The following WWP1 variants were observed in gnomAD, a reference collection of about 807,000 sequenced individuals.
WWP1 encodes NEDD4-like E3 ubiquitin-protein ligase WWP1.
Under a neutral mutation model 130.6 loss-of-function variants are expected in WWP1, and 49 were observed. The observed-to-expected ratio is 0.38, with a 90% CI of 0.30 to 0.48. The LOEUF (loss-of-function observed/expected upper bound fraction) is 0.48, where lower values mean the gene tolerates loss of function less well. Among genes scored for constraint, WWP1 ranks in the 20% least tolerant of loss-of-function variants. The pLI is 0.99. For synonymous variants in WWP1, 332 were observed against 367.8 expected (o/e 0.90, Z 1.11); for missense variants, 809 against 1,100.6 (o/e 0.74, Z 3.75).
intron 5 of WWP1, among the ~76,000 whole-genome samples, chr8:86,387,398 T>A (rs1825343928): frequency 6.6e-6 from 1 of 152,164 alleles, no homozygotes; most frequent in African/African-American, 2.4e-5. Flanking sequence ...CCACTTGTCT[T>A]GACCATAATC....
chr8:86,426,141 T>G (rs1286026104), intron 10 of WWP1, among the ~76,000 whole-genome samples: 1 of 152,218 alleles, frequency 6.6e-6, no homozygotes, highest in Non-Finnish European at 1.5e-5. Flanking sequence ...GAGAACGTAT[T>G]GGAAAACATG....
chr8:86,375,739 A>G (rs1824608331), intron 3 of WWP1, among the ~76,000 whole-genome samples: 1 of 152,164 alleles, frequency 6.6e-6, no homozygotes, highest in South Asian at 2.1e-4. Context: ...ACTTCATACA[A>G]AAGTCGTTTC....
chr8:86,410,794 C>T (rs1808540103), intron 8 of WWP1, among the ~76,000 whole-genome samples: 1 of 149,626 alleles, frequency 6.7e-6, no homozygotes, highest in African/African-American at 2.5e-5. Flanking sequence ...TTGGCCATGT[C>T]CAGTAGCATT....
intron 7 of WWP1, among the ~76,000 whole-genome samples, chr8:86,399,052 A>G (rs1346122407): frequency 6.6e-6 from 1 of 152,162 alleles, no homozygotes; most frequent in Non-Finnish European, 1.5e-5. Flanking sequence ...ATGGATTCAT[A>G]TAATATGTGA....
At chr8:86,454,530 GTATT>G (rs1362619311) in intron 21 of WWP1, among the ~76,000 whole-genome samples, 1 of 152,048 alleles carries the variant, frequency 6.6e-6, no homozygotes, top group African/African-American at 2.4e-5. Context: ...TTTTAGAGTA[GTATT>G]TATTAATCTT....
chr8:86,421,770 C>T (rs1809224336), intron 9 of WWP1, among the ~76,000 whole-genome samples: 1 of 151,858 alleles, frequency 6.6e-6, no homozygotes, highest in East Asian at 1.9e-4. Flanking sequence ...CTTACATGAG[C>T]CAAGATTGCG....
rs1391523249 is a variant in WWP1, at chr8:86,442,776, A to G, written c.1996A>G (p.Met666Val). Residue 666 changes from methionine to valine, a missense_variant and splice_region_variant, in exon 18 of 25, where the codon ATG (methionine) becomes GTG (valine). Physicochemically the swap from Met to Val is conservative, Grantham distance 21 (BLOSUM62 1). Around this residue, in one of 3 missense-constraint regions of WWP1, gnomAD observed 450 missense variants for 674.2 expected, o/e 0.67. Coordinates refer to ENST00000517970, the MANE Select transcript of WWP1 (RefSeq NM_007013.4). ...CTGTTTCATTGGTCGTTTTATTGCCATGGTGAGTTCCTGACTTTATTATTA... is the reference window on the plus strand; with the variant it reads ...CTGTTTCATTGGTCGTTTTATTGCCGTGGTGAGTTCCTGACTTTATTATTA... ...YFCFIGRFIA[M>V]ALFHGKFIDT... The G allele has an allele frequency of 1.2e-6, 2 of 1,606,640 alleles. No homozygotes were observed. Among genetic ancestry groups the G allele is most frequent in the Non-Finnish European group, 1.7e-6 (2 of 1,177,884 alleles).
Position 86,398,324 on chromosome 8 carries a change from G to A in WWP1, c.335-18G>A. The A allele has an allele frequency of 6.4e-7, 1 of 1,563,682 alleles. No homozygotes were observed. Among genetic ancestry groups the A allele is most frequent in the East Asian group, 2.3e-5 (1 of 44,144 alleles). The stretch of plus-strand genomic sequence containing the variant: ...ATATGTGGCAAAAGCTTTTAAATTA[G>A]AATATTCTTCTTTCTAGTGGAAAGA... On this transcript the variant is annotated intron_variant, in intron 5 of 24. Coordinates refer to ENST00000517970, the MANE Select transcript of WWP1 (RefSeq NM_007013.4).
chr8:86,404,890 AG>A (rs1207389747), intron 8 of WWP1, among the ~76,000 whole-genome samples: 1 of 152,200 alleles, frequency 6.6e-6, no homozygotes, highest in African/African-American at 2.4e-5. Flanking sequence ...TGGTTTTTAT[AG>A]GATCTCAAAG....
chr8:86,360,852 CAGGA>C (rs1054018937), intron 1 of WWP1, among the ~76,000 whole-genome samples: 3 of 152,148 alleles, frequency 2.0e-5, no homozygotes, highest in Non-Finnish European at 4.4e-5. Context: ...CTATGGTGAT[CAGGA>C]ATTCTTTCTG....
At position 86,396,820 on chromosome 8, in the gene WWP1, G is replaced by A. The variant is rs547668397; in HGVS notation, c.335-1522G>A. 5.9e-5 allele frequency among the ~76,000 whole-genome samples: 9 copies of A among 152,086 alleles called. No homozygotes were observed. In the South Asian group the frequency reaches 1.7e-3, roughly 28 times the overall value. On this transcript the variant is annotated intron_variant, in intron 5 of 24. Coordinates refer to ENST00000517970, the MANE Select transcript of WWP1 (RefSeq NM_007013.4). ...TTGCTATGTTGGCCAGGTTGGTCTT[G>A]AACTCCTGGGCTCAAGTGATGCGCC...
chr8:86,364,829 AAGAAAGAG>A (rs1161439460), intron 1 of WWP1, among the ~76,000 whole-genome samples: 1,502 of 121,788 alleles, frequency 0.012, 28 homozygotes, highest in African/African-American at 0.042. Context: ...GAAAGAAAGA[AAGAAAGAG>A]AGAGAGAGAG....
At chr8:86,385,497 T>A (rs1008677261) in intron 5 of WWP1, among the ~76,000 whole-genome samples, 2 of 152,106 alleles carry the variant, frequency 1.3e-5, no homozygotes, top group Non-Finnish European at 2.9e-5. Context: ...GACATTTTTT[T>A]AAAAAAAGTT....
At chr8:86,364,050 T>C (rs912686202) in intron 1 of WWP1, among the ~76,000 whole-genome samples, 2 of 152,176 alleles carry the variant, frequency 1.3e-5, no homozygotes, top group African/African-American at 4.8e-5. Context: ...TTTTCTGGTG[T>C]GACTGAAGCC....
chr8:86,438,892 TATA>T (rs1375410022), intron 17 of WWP1, among the ~76,000 whole-genome samples: 1 of 152,184 alleles, frequency 6.6e-6, no homozygotes, highest in South Asian at 2.1e-4. Context: ...ATATGTGTAA[TATA>T]GTATATATTT....
At chr8:86,449,007 AT>A (rs777593997) in intron 20 of WWP1, among the ~76,000 whole-genome samples, 184 of 145,806 alleles carry the variant, frequency 1.3e-3, no homozygotes, top group African/African-American at 3.1e-3. Context: ...ATTTAAAACA[AT>A]TTTTTTTTTT....
In WWP1 at chr8:86,403,772, G is replaced by A. The variant is rs191060767; in HGVS notation, c.724+1569G>A. ...AAAAAAAAGAAGTAGACTAAAATACGGTTTCCCAAGTACTCACAGTAGGTA... is the reference window on the plus strand; with the variant it reads ...AAAAAAAAGAAGTAGACTAAAATACAGTTTCCCAAGTACTCACAGTAGGTA... On this transcript the variant is annotated intron_variant, in intron 8 of 24. Coordinates refer to ENST00000517970, the MANE Select transcript of WWP1 (RefSeq NM_007013.4). Among the ~76,000 whole-genome samples, 28 of 151,262 alleles carry A rather than the reference G, an allele frequency of 1.9e-4. No homozygotes were observed. The East Asian group carries it at 5.4e-3, about 29-fold the overall frequency.
rs1586340916 is a variant in WWP1, at chr8:86,393,353, C to A, written c.335-4989C>A. Among the ~76,000 whole-genome samples, 3 of 151,862 alleles carry A rather than the reference C, an allele frequency of 2.0e-5. No homozygotes were observed. The South Asian group carries it at 6.2e-4, about 32-fold the overall frequency. ...CTCCCCTCAAGGCTCTTAGGAATAA[C>A]CCTAGCTACTTAACTGTGTGAGTAG... is the stretch of plus-strand genomic sequence containing the variant. On this transcript the variant is annotated intron_variant, in intron 5 of 24. Coordinates refer to ENST00000517970, the MANE Select transcript of WWP1 (RefSeq NM_007013.4).
intron 1 of WWP1, among the ~76,000 whole-genome samples, chr8:86,351,300 G>A (rs368565138): frequency 6.6e-6 from 1 of 152,120 alleles, no homozygotes; most frequent in Non-Finnish European, 1.5e-5. Context: ...TTCTAGCTTC[G>A]TTTTGGCATG....
Sources: allele counts gnomAD v4.1 joint callset (sites outside exome capture counted in the v4.1 genomes callset), GRCh38; gene constraint gnomAD v4.1.1; regional missense constraint gnomAD v4.1.1; transcripts MANE v1.5; gene names NCBI Gene and HGNC (gene_info 2026-07-23, HGNC 2026-07-21).